DYRK1A: variants seen among roughly 807,000 people sequenced by gnomAD.
DYRK1A encodes the protein dual specificity tyrosine-phosphorylation-regulated kinase 1A.
Under a neutral mutation model 79.7 loss-of-function variants are expected in DYRK1A, and 9 were observed. That is an observed-to-expected ratio of 0.11 (90% CI 0.07 to 0.20). The LOEUF (loss-of-function observed/expected upper bound fraction) is 0.20. Ranked by LOEUF, DYRK1A falls within the 10% of genes least tolerant of loss-of-function variation. The pLI is 1.00. For missense variants in DYRK1A, 622 were observed against 956.0 expected (o/e 0.65, Z 4.61); for synonymous variants, 349 against 329.7 (o/e 1.06, Z -0.63).
Position 37,514,828 on chromosome 21 carries a change from G to T in DYRK1A, c.*2297G>T, listed in dbSNP as rs749438143. On this transcript the variant is annotated 3_prime_UTR_variant, in exon 12 of 12. Transcript: ENST00000647188. The stretch of plus-strand genomic sequence containing the variant: ...GAATATAAGGTTAAGATATCATATG[G>T]GTCAGGTCATTTTTTTTTTCTGTGC... The T allele has an allele frequency of 1.1e-4, 17 of 152,430 alleles. No homozygotes were observed. The highest frequency in any genetic ancestry group is 3.9e-4 in the Admixed American group (6 of 15,258). The allele number at this position is 152,430 out of a possible 1,614,324, so 9.4% of individuals were successfully genotyped here.
chr21:37,475,673 G>A (rs2052370331), intron 3 of DYRK1A, among the ~76,000 whole-genome samples: 1 of 152,216 alleles, frequency 6.6e-6, no homozygotes, highest in Admixed American at 6.5e-5. Context: ...ATGACCAGTT[G>A]TGGAAAAGAT....
chr21:37,510,991 G>C (rs1489299141), intron 11 of DYRK1A, among the ~76,000 whole-genome samples: 1 of 152,086 alleles, frequency 6.6e-6, no homozygotes, highest in Non-Finnish European at 1.5e-5. Context: ...GAAGGCTCTG[G>C]AACTGAAGCG....
At chr21:37,501,584 C>G (rs1201758514) in intron 9 of DYRK1A, 1 of 152,132 alleles carries the variant, frequency 6.6e-6, no homozygotes. Flanking sequence ...TTCTAGATGT[C>G]TTATTGAGTT....
At chr21:37,374,344 CTAGT>C (rs1325585386) in intron 1 of DYRK1A, among the ~76,000 whole-genome samples, 1 of 149,046 alleles carries the variant, frequency 6.7e-6, no homozygotes, top group Non-Finnish European at 1.5e-5. Flanking sequence ...CATTTACTAT[CTAGT>C]ATGTTCCTCT....
chr21:37,439,959 T>A (rs1454600187), intron 2 of DYRK1A, among the ~76,000 whole-genome samples: 1 of 152,026 alleles, frequency 6.6e-6, no homozygotes, highest in Non-Finnish European at 1.5e-5. Flanking sequence ...TTTGTTATGA[T>A]GGTCTTTATT....
At chr21:37,461,440 C>A (rs139977448) in intron 2 of DYRK1A, among the ~76,000 whole-genome samples, 1 of 152,200 alleles carries the variant, frequency 6.6e-6, no homozygotes, top group East Asian at 1.9e-4. Context: ...GAAAAAATGT[C>A]TTTTATATTT....
chr21:37,511,180 A>C (rs985817116), intron 11 of DYRK1A, among the ~76,000 whole-genome samples: 21 of 152,168 alleles, frequency 1.4e-4, no homozygotes, highest in Admixed American at 2.6e-4. Context: ...GTGGAGAAAG[A>C]GGTTAGAGAA....
chr21:37,387,202 T>G (rs11088389), intron 1 of DYRK1A, among the ~76,000 whole-genome samples: 14,554 of 152,286 alleles, frequency 0.096, 829 homozygotes, highest in Non-Finnish European at 0.12. Context: ...TAAGATTTAA[T>G]ACATTATTTG....
Position 37,475,547 on chromosome 21 carries a change from G to A in DYRK1A, c.208-2661G>A, listed in dbSNP as rs528394901. On this transcript the variant is annotated intron_variant, in intron 3 of 11. Coordinates refer to ENST00000647188, the MANE Select transcript of DYRK1A (RefSeq NM_001347721.2). ...AATATGAAATCACAATGAAAGCATA[G>A]GGAGTATTACTTGCTTTGTAGACAT... 9.2e-5 allele frequency among the ~76,000 whole-genome samples: 14 copies of A among 152,344 alleles called. No homozygotes were observed. In the South Asian group the frequency reaches 2.9e-3, roughly 32 times the overall value.
At chr21:37,404,603 T>C (rs2050115369) in intron 1 of DYRK1A, among the ~76,000 whole-genome samples, 1 of 152,232 alleles carries the variant, frequency 6.6e-6, no homozygotes, top group South Asian at 2.1e-4. Flanking sequence ...CGCCATGCTT[T>C]ACTGAGCCTC....
chr21:37,505,299 G>C lies in DYRK1A; in HGVS notation c.1229G>C (p.Gly410Ala), dbSNP rs978604744. 5.6e-6 allele frequency: 9 copies of C among 1,610,450 alleles called. No homozygotes were observed. The highest frequency in any genetic ancestry group is 7.6e-6 in the Non-Finnish European group (9 of 1,177,224). The stretch of plus-strand genomic sequence containing the variant: ...CTCTTACAGGAGTACAAACCACCAG[G>C]AACCCGTAAACTTCATAACATTCTT... Reference protein sequence around the residue: ...KDGKREYKPPGTRKLHNILGV... With the variant: ...KDGKREYKPPATRKLHNILGV... Residue 410 changes from glycine (G) to alanine (A), a missense_variant, in exon 10 of 12, where the codon GGA (glycine) becomes GCA (alanine). This residue lies in a region of DYRK1A where 80 missense variants were observed against 116.5 expected (regional missense o/e 0.69). Transcript: ENST00000647188.
chr21:37,506,243 AT>A lies in DYRK1A; in HGVS notation c.1644+23del, dbSNP rs2053594854. The A allele has an allele frequency of 6.2e-7, 1 of 1,613,690 alleles. No homozygotes were observed. Among genetic ancestry groups the A allele is most frequent in the Admixed American group, 1.7e-5 (1 of 59,968 alleles). ...CCCCAGGTGAGCTCGCACGTGGTTCATTTGCTTGTGTCACCTGCCATTCTCA... is the reference window on the plus strand; with the variant it reads ...CCCCAGGTGAGCTCGCACGTGGTTCATTGCTTGTGTCACCTGCCATTCTCA... On this transcript the variant is annotated intron_variant, in intron 11 of 11. Coordinates refer to ENST00000647188, the MANE Select transcript of DYRK1A (RefSeq NM_001347721.2).
At chr21:37,445,619 A>G (rs542392879) in intron 2 of DYRK1A, among the ~76,000 whole-genome samples, 35 of 152,298 alleles carry the variant, frequency 2.3e-4, no homozygotes, top group African/African-American at 8.4e-4. Flanking sequence ...TTTATTTCAA[A>G]TGAGCAAATA....
chr21:37,427,314 G>C (rs1038344403), intron 2 of DYRK1A, among the ~76,000 whole-genome samples: 2 of 152,166 alleles, frequency 1.3e-5, no homozygotes, highest in African/African-American at 4.8e-5. Context: ...ATGTGGTCTT[G>C]CTGTGTTCCC....
chr21:37,511,435 C>G (rs532580587), intron 11 of DYRK1A, among the ~76,000 whole-genome samples: 2 of 152,304 alleles, frequency 1.3e-5, no homozygotes, highest in African/African-American at 4.8e-5. Context: ...AATTTGGAAT[C>G]TGTTTCACAG....
intron 6 of DYRK1A, chr21:37,488,208 A>T (rs1471280500): frequency 1.9e-5 from 5 of 269,396 alleles, no homozygotes; most frequent in Non-Finnish European, 2.9e-5. Context: ...GTTATTACAG[A>T]TACTCTTTGG....
intron 3 of DYRK1A, 79 bp from the exon 4 acceptor site, chr21:37,478,129 G>A: frequency 2.5e-6 from 4 of 1,586,328 alleles, no homozygotes; most frequent in East Asian, 2.3e-5. Context: ...GGTTACAGAA[G>A]AGGGAATTTA....
At chr21:37,492,694 G>T (rs1193028457) in intron 7 of DYRK1A, among the ~76,000 whole-genome samples, 7 of 152,068 alleles carry the variant, frequency 4.6e-5, no homozygotes, top group Admixed American at 4.6e-4. Flanking sequence ...AATTATTAGG[G>T]AAATACATTG....
At chr21:37,495,975 T>G (rs940636174) in intron 8 of DYRK1A, 143 bp from the exon 9 acceptor site, 4 of 699,636 alleles carry the variant, frequency 5.7e-6, no homozygotes, top group Non-Finnish European at 9.3e-6. Flanking sequence ...TTTCTTGTGT[T>G]TGTTCATTAC....
Sources: gnomAD v4.1 joint callset for allele counts (sites outside exome capture counted in the v4.1 genomes callset) on GRCh38, gnomAD v4.1.1 for gene constraint, gnomAD v4.1.1 regional missense constraint, MANE v1.5 for transcripts, NCBI Gene and HGNC (gene_info 2026-07-23, HGNC 2026-07-21) for gene names.